Variants in RBFOX3 observed in about 807,000 individuals in gnomAD.
The protein encoded by RBFOX3 is RNA binding protein fox-1 homolog 3.
Under a neutral mutation model 48.7 loss-of-function variants are expected in RBFOX3, and 17 were observed. The observed-to-expected ratio is 0.35, with a 90% CI of 0.24 to 0.52. RBFOX3 has a LOEUF of 0.52. RBFOX3 is among the 20% of genes least tolerant of loss of function. The probability of loss-of-function intolerance (pLI) is 0.94; values close to 1 mark genes in which losing one functional copy is unlikely to be tolerated. For missense variants in RBFOX3, 382 were observed against 497.5 expected (o/e 0.77, Z 2.21); for synonymous variants, 212 against 209.5 (o/e 1.01, Z -0.10).
At chr17:79,379,861 C>T (rs1364142904) in intron 2 of RBFOX3, among the ~76,000 whole-genome samples, 2 of 152,180 alleles carry the variant, frequency 1.3e-5, no homozygotes, top group Non-Finnish European at 2.9e-5. Context: ...AGTTACCCAC[C>T]TAAGAAGCAC....
chr17:79,606,627 T>C (rs1415137993), intron 1 of RBFOX3, among the ~76,000 whole-genome samples: 9 of 152,232 alleles, frequency 5.9e-5, no homozygotes, highest in African/African-American at 1.7e-4. Context: ...ACTAAGTGCA[T>C]TGCACTTAAA....
the RBFOX3 span, among the ~76,000 whole-genome samples, chr17:79,628,549 T>C: frequency 6.6e-5 from 10 of 152,246 alleles, no homozygotes; most frequent in African/African-American, 2.4e-4. Flanking sequence ...TTCCTTTTAA[T>C]TGAGGCGAAA....
intron 2 of RBFOX3, among the ~76,000 whole-genome samples, chr17:79,387,394 C>T (rs76478526): frequency 0.025 from 3,828 of 152,312 alleles, 66 homozygotes; most frequent in East Asian, 0.079. Context: ...CAAACACACT[C>T]TGGGGAACAC....
rs530919357 is a variant in RBFOX3 at position 79,458,356 on chromosome 17, G to A, written c.-175+24098C>T. On this transcript the variant is annotated intron_variant, in intron 2 of 14. Coordinates refer to ENST00000693108, the MANE Select transcript of RBFOX3 (RefSeq NM_001350451.2). Reference sequence around the variant, plus strand: ...TCACTCAGCTCCCCGCAATGTTGACGTCTCACGTAACCACCATGCAACCAG... The same window carrying A: ...TCACTCAGCTCCCCGCAATGTTGACATCTCACGTAACCACCATGCAACCAG... Among the ~76,000 whole-genome samples the A allele has an allele frequency of 9.8e-5, 15 of 152,286 alleles. No individual in the cohort carries two copies. In the East Asian group the frequency reaches 2.5e-3, roughly 25 times the overall value.
the RBFOX3 span, among the ~76,000 whole-genome samples, chr17:79,646,412 A>C: frequency 2.0e-5 from 3 of 152,186 alleles, no homozygotes; most frequent in African/African-American, 7.2e-5. Flanking sequence ...GATAAAGAAA[A>C]GAGGTTTAAT....
At chr17:79,524,648 G>T (rs1486024398) in intron 1 of RBFOX3, among the ~76,000 whole-genome samples, 1 of 152,052 alleles carries the variant, frequency 6.6e-6, no homozygotes, top group Non-Finnish European at 1.5e-5. Flanking sequence ...TGTGGAGCAG[G>T]CACGGGCACT....
intron 2 of RBFOX3, among the ~76,000 whole-genome samples, chr17:79,420,176 A>ACACAC (rs1568218047): frequency 1.8e-3 from 68 of 37,598 alleles, no homozygotes; most frequent in Non-Finnish European, 3.0e-3. Context: ...CACACACACA[A>ACACAC]AAGATGGTTA....
At chr17:79,122,122 CACAA>C (rs1184140287) in intron 4 of RBFOX3, among the ~76,000 whole-genome samples, 2 of 152,026 alleles carry the variant, frequency 1.3e-5, no homozygotes, top group African/African-American at 4.8e-5. Context: ...GCCCACACAC[CACAA>C]ACAGTCCAGT....
At chr17:79,207,968 G>A (rs193236684) in intron 4 of RBFOX3, among the ~76,000 whole-genome samples, 28 of 152,310 alleles carry the variant, frequency 1.8e-4, no homozygotes, top group Admixed American at 1.3e-3. Flanking sequence ...ACAAGTCCGG[G>A]ACCGCGGGAG....
Position 79,423,586 on chromosome 17 carries a change from C to G in RBFOX3, c.-175+58868G>C, listed in dbSNP as rs112182428. On this transcript the variant is annotated intron_variant, in intron 2 of 14. Transcript: ENST00000693108. This position sits in a 1 kb window ranked among gnomAD's most constrained non-coding sequence, Gnocchi z 4.9. Reference sequence around the variant, plus strand: ...GTTCTCAAACGCCGCCACCTCTCCACGCTGGACACTGCCCCCTGTGCAAAC... The same window carrying G: ...GTTCTCAAACGCCGCCACCTCTCCAGGCTGGACACTGCCCCCTGTGCAAAC... 2 of 153,112 alleles carry G rather than the reference C, an allele frequency of 1.3e-5. No homozygotes were observed. Among genetic ancestry groups the G allele is most frequent in the African/African-American group, 4.8e-5 (2 of 41,444 alleles). 9.5% of individuals were successfully genotyped at this position (153,112 alleles called of 1,614,324 possible). A position where few individuals can be genotyped will look rare whatever the true frequency, so the allele number is the denominator to read the frequency against.
At chr17:79,237,677 G>A (rs1567895168) in intron 3 of RBFOX3, among the ~76,000 whole-genome samples, 3 of 152,232 alleles carry the variant, frequency 2.0e-5, no homozygotes, top group African/African-American at 4.8e-5. Context: ...CATCAGGGAG[G>A]GCTATGGGCC....
At chr17:79,467,588 C>G (rs2076485460) in intron 2 of RBFOX3, among the ~76,000 whole-genome samples, 1 of 152,146 alleles carries the variant, frequency 6.6e-6, no homozygotes, top group African/African-American at 2.4e-5. Flanking sequence ...AGGCTTACCG[C>G]CACCAGCAGC....
chr17:79,547,496 G>C lies in RBFOX3; in HGVS notation c.-320+63330C>G, dbSNP rs566684621. On this transcript the variant is annotated intron_variant, in intron 1 of 14. Transcript: ENST00000693108. ...CAAAAAAACTGTTGCTTGTGGAAGG[G>C]ACAAAGAGACCAAGAATAGGAACTT... is the stretch of plus-strand genomic sequence containing the variant. 9.2e-5 allele frequency among the ~76,000 whole-genome samples: 14 copies of C among 152,258 alleles called. No individual in the cohort carries two copies. In the South Asian group the frequency reaches 1.2e-3, roughly 14 times the overall value.
intron 4 of RBFOX3, among the ~76,000 whole-genome samples, chr17:79,215,760 G>T (rs547866664): frequency 7.4e-4 from 113 of 152,376 alleles, no homozygotes; most frequent in African/African-American, 2.7e-3. Context: ...GCCATGCCAC[G>T]CTGGGCACCG....
At chr17:79,411,088 A>T (rs2064257196) in intron 2 of RBFOX3, among the ~76,000 whole-genome samples, 1 of 152,190 alleles carries the variant, frequency 6.6e-6, no homozygotes, top group African/African-American at 2.4e-5. Context: ...AAAAACAGCA[A>T]CAGGAACCAC....
chr17:79,273,417 T>A (rs2068091938), intron 3 of RBFOX3, among the ~76,000 whole-genome samples: 1 of 151,962 alleles, frequency 6.6e-6, no homozygotes, highest in Admixed American at 6.5e-5. Context: ...GGAGAGAGTG[T>A]TTTAGGGTGG....
chr17:79,558,011 C>A (rs936469637), intron 1 of RBFOX3, among the ~76,000 whole-genome samples: 1 of 152,150 alleles, frequency 6.6e-6, no homozygotes, highest in African/African-American at 2.4e-5. Context: ...ACACTCAAAT[C>A]TAAGAGGAGA....
rs560146537 is a variant in RBFOX3, at chr17:79,276,553, T to C, written c.-74+31171A>G. Among the ~76,000 whole-genome samples, 14 of 151,988 alleles carry C rather than the reference T, an allele frequency of 9.2e-5. 1 individual carries two copies. Among genetic ancestry groups the C allele is most frequent in the South Asian group, 6.3e-4 (3 of 4,798 alleles). ...ATACAAAATCAGCTGGGTCTGGTGG[T>C]GGGCGCCTGTAATCCCAGCTGCTCG... On this transcript the variant is annotated intron_variant, in intron 3 of 14. Coordinates refer to ENST00000693108, the MANE Select transcript of RBFOX3 (RefSeq NM_001350451.2).
At chr17:79,599,568 G>T (rs1278720310) in intron 1 of RBFOX3, 1 of 152,282 alleles carries the variant, frequency 6.6e-6, no homozygotes, top group East Asian at 1.9e-4. Context: ...GAGCACCTCC[G>T]ACAGAACCAT....
Sources: gnomAD v4.1 joint callset for allele counts (sites outside exome capture counted in the v4.1 genomes callset) on GRCh38, gnomAD v4.1.1 for gene constraint, Gnocchi (gnomAD v3.1) non-coding constraint, MANE v1.5 for transcripts, NCBI Gene and HGNC (gene_info 2026-07-23, HGNC 2026-07-21) for gene names.